IFNGR2: variants seen among roughly 807,000 people sequenced by gnomAD.
IFNGR2 encodes interferon gamma receptor 2.
In IFNGR2, 15 loss-of-function variants were observed where a neutral mutation model predicts 41.1. That is an observed-to-expected ratio of 0.37 (90% confidence interval 0.24 to 0.56). The LOEUF is 0.56. Among genes scored for constraint, IFNGR2 ranks in the 20% least tolerant of loss-of-function variants. IFNGR2 has a pLI of 0.81. For missense variants in IFNGR2, 362 were observed against 415.7 expected (o/e 0.87, Z 1.12); for synonymous variants, 161 against 171.6 (o/e 0.94, Z 0.48).
intron 2 of IFNGR2, among the ~76,000 whole-genome samples, chr21:33,418,126 G>A (rs184773227): frequency 1.3e-5 from 2 of 152,018 alleles, no homozygotes; most frequent in African/African-American, 4.8e-5. Flanking sequence ...TGCAACCTGC[G>A]GCTCACTGCA....
intron 3 of IFNGR2, among the ~76,000 whole-genome samples, chr21:33,424,303 A>T (rs1266560170): frequency 2.8e-5 from 4 of 144,966 alleles, no homozygotes; most frequent in Non-Finnish European, 6.1e-5. Context: ...TCTGTCATTT[A>T]AAAAAAAAAA....
At chr21:33,422,997 TA>T (rs2083806027) in intron 3 of IFNGR2, among the ~76,000 whole-genome samples, 1 of 147,288 alleles carries the variant, frequency 6.8e-6, no homozygotes, top group African/African-American at 2.5e-5. Flanking sequence ...TTCAGTTGGG[TA>T]ATTAGTACAT....
chr21:33,434,388 G>T (rs961040944), intron 6 of IFNGR2, among the ~76,000 whole-genome samples: 37 of 152,118 alleles, frequency 2.4e-4, no homozygotes, highest in African/African-American at 8.0e-4. Flanking sequence ...CGGGCGTGGT[G>T]GTGGGCGCCT....
At chr21:33,428,904 G>A (rs528445449) in intron 4 of IFNGR2, among the ~76,000 whole-genome samples, 5 of 152,252 alleles carry the variant, frequency 3.3e-5, no homozygotes, top group South Asian at 2.1e-4. Flanking sequence ...GCCCCCAGAG[G>A]GCGAGTTGCC....
chr21:33,424,701 C>T lies in IFNGR2; in HGVS notation c.413-2183C>T, dbSNP rs1026471155. On this transcript the variant is annotated intron_variant, in intron 3 of 6. Transcript: ENST00000290219. ...GCAAGTAGTGTCACCTCCTGGCTTCCGTTTCCTCGTCTGAGAAATGGGGAT... is the reference window on the plus strand; with the variant it reads ...GCAAGTAGTGTCACCTCCTGGCTTCTGTTTCCTCGTCTGAGAAATGGGGAT... Among the ~76,000 whole-genome samples the T allele has an allele frequency of 2.0e-5, 3 of 152,162 alleles. No homozygotes were observed. In the East Asian group the frequency reaches 5.8e-4, roughly 29 times the overall value.
chr21:33,410,006 G>A (rs1317183261), intron 1 of IFNGR2, among the ~76,000 whole-genome samples: 1 of 151,702 alleles, frequency 6.6e-6, no homozygotes, highest in African/African-American at 2.4e-5. Context: ...TTTTTTGTTG[G>A]TAGCAGGGTC....
chr21:33,422,877 C>CAAAAAAAAAA, intron 3 of IFNGR2, among the ~76,000 whole-genome samples: 2 of 34,952 alleles, frequency 5.7e-5, no homozygotes, highest in Non-Finnish European at 9.0e-5. Flanking sequence ...AACTCCATCT[C>CAAAAAAAAAA]AAAAAAAAAA....
intron 4 of IFNGR2, among the ~76,000 whole-genome samples, chr21:33,430,947 A>G (rs1245492548): frequency 6.6e-6 from 1 of 152,144 alleles, no homozygotes; most frequent in Non-Finnish European, 1.5e-5. Flanking sequence ...TACTGCCATA[A>G]TAGGGTATCG....
At position 33,403,499 on chromosome 21, in the gene IFNGR2, CG is replaced by C; in HGVS notation, c.-41del. On this transcript the variant is annotated 5_prime_UTR_variant, in exon 1 of 7. Coordinates refer to ENST00000290219, the MANE Select transcript of IFNGR2 (RefSeq NM_005534.4). ...CGTGAGCGGCTCCGCGGACCCCGAG[CG>C]GGGCCCCGGCCGCGACCTGAGCCGC... 8.8e-7 allele frequency: 1 copy of C among 1,141,384 alleles called. No individual in the cohort carries two copies. The highest frequency in any genetic ancestry group is 1.1e-6 in the Non-Finnish European group (1 of 929,046). 70.7% of individuals were successfully genotyped at this position (1,141,384 alleles called of 1,614,324 possible).
intron 1 of IFNGR2, among the ~76,000 whole-genome samples, chr21:33,405,695 CA>C (rs1310039026): frequency 1.3e-5 from 2 of 152,056 alleles, no homozygotes; most frequent in Non-Finnish European, 2.9e-5. Flanking sequence ...TTGTATTCTA[CA>C]AAAGTTTTGG....
At chr21:33,407,124 C>T (rs374777994) in intron 1 of IFNGR2, among the ~76,000 whole-genome samples, 2 of 152,046 alleles carry the variant, frequency 1.3e-5, no homozygotes, top group East Asian at 1.9e-4. Flanking sequence ...ATCAACTGAC[C>T]AGTTAGTTAC....
chr21:33,429,874 T>TAA (rs1476132280), intron 4 of IFNGR2, among the ~76,000 whole-genome samples: 1 of 152,052 alleles, frequency 6.6e-6, no homozygotes, highest in Non-Finnish European at 1.5e-5. Flanking sequence ...CGCGGTGGCT[T>TAA]ACGCCTGTAA....
At chr21:33,433,606 G>GGGAGGGAA in intron 6 of IFNGR2, among the ~76,000 whole-genome samples, 1 of 152,054 alleles carries the variant, frequency 6.6e-6, no homozygotes, top group East Asian at 1.9e-4. Flanking sequence ...CGGTGGTGGA[G>GGGAGGGAA]GGAGGGAAGT....
At chr21:33,419,738 G>A (rs1458734409) in intron 2 of IFNGR2, among the ~76,000 whole-genome samples, 1 of 152,206 alleles carries the variant, frequency 6.6e-6, no homozygotes, top group Non-Finnish European at 1.5e-5. Context: ...TTCTAGAAGA[G>A]AGGTTGCTGG....
At chr21:33,423,725 G>A (rs2083813979) in intron 3 of IFNGR2, among the ~76,000 whole-genome samples, 1 of 152,062 alleles carries the variant, frequency 6.6e-6, no homozygotes, top group African/African-American at 2.4e-5. Flanking sequence ...TTTTAGAGAG[G>A]ATCATGCCTG....
chr21:33,413,354 G>A (rs2083730111), intron 1 of IFNGR2, among the ~76,000 whole-genome samples: 1 of 152,190 alleles, frequency 6.6e-6, no homozygotes, highest in African/African-American at 2.4e-5. Context: ...AGGTCACCCA[G>A]AGCTCATAGG....
At chr21:33,413,878 A>G (rs1436009078) in intron 1 of IFNGR2, among the ~76,000 whole-genome samples, 10 of 120,128 alleles carry the variant, frequency 8.3e-5, no homozygotes, top group African/African-American at 2.3e-4. Context: ...TGTCGCCCAG[A>G]CTGGAGTGCA....
chr21:33,423,530 G>A (rs954088476), intron 3 of IFNGR2, among the ~76,000 whole-genome samples: 3 of 151,796 alleles, frequency 2.0e-5, no homozygotes, highest in Non-Finnish European at 1.5e-5. Context: ...AGCCTCCCAA[G>A]TAGCTGGGAC....
At chr21:33,417,652 A>C (rs1346959873) in intron 2 of IFNGR2, among the ~76,000 whole-genome samples, 1 of 152,356 alleles carries the variant, frequency 6.6e-6, no homozygotes, top group South Asian at 2.1e-4. Flanking sequence ...CAGAGCATCA[A>C]ATGAAGTGCC....
Sources: gnomAD v4.1 joint callset for allele counts (sites outside exome capture counted in the v4.1 genomes callset) on GRCh38, gnomAD v4.1.1 for gene constraint, MANE v1.5 for transcripts, NCBI Gene and HGNC (gene_info 2026-07-23, HGNC 2026-07-21) for gene names.